The following FHIP1A variants were observed in gnomAD, a reference collection of about 807,000 sequenced individuals.
FHIP1A encodes FHF complex subunit HOOK-interacting protein 1A.
FHIP1A carries 61 observed loss-of-function variants against 88.6 expected under a neutral mutation model. That is an observed-to-expected ratio of 0.69 (90% CI 0.56 to 0.85). The LOEUF is 0.85. Ranked by LOEUF, FHIP1A falls within the 40% of genes least tolerant of loss-of-function variation. The probability of loss-of-function intolerance (pLI) is 0.00; values close to 1 mark genes in which losing one functional copy is unlikely to be tolerated. For missense variants in FHIP1A, 1,154 were observed against 1,273.5 expected (o/e 0.91, Z 1.43); for synonymous variants, 478 against 496.0 (o/e 0.96, Z 0.48).
chr4:151,460,465 T>A (rs1729110094), intron 2 of FHIP1A, among the ~76,000 whole-genome samples: 1 of 152,190 alleles, frequency 6.6e-6, no homozygotes, highest in Non-Finnish European at 1.5e-5. Context: ...GAGTCTTAAT[T>A]TGATGGTCTC....
rs939318529 is a variant in FHIP1A, at chr4:151,527,554, A to C, written c.-122-38584A>C. Among the ~76,000 whole-genome samples, 9 of 151,854 alleles carry C rather than the reference A, an allele frequency of 5.9e-5. No homozygotes were observed. In the East Asian group the frequency reaches 1.7e-3, roughly 29 times the overall value. On this transcript the variant is annotated intron_variant, in intron 3 of 13. Transcript: ENST00000435205. ...GGAGACCGTGGGGAGAGCGAGAGCG[A>C]GAGAGAGAGGGAGAGGGAGAGGGAG...
intron 13 of FHIP1A, among the ~76,000 whole-genome samples, chr4:151,657,908 A>C (rs1386848189): frequency 3.9e-5 from 6 of 152,194 alleles, no homozygotes; most frequent in Non-Finnish European, 7.4e-5. Context: ...TCACAGGCCC[A>C]ATGTCCCTTG....
At chr4:151,639,963 G>C (rs904528260) in intron 9 of FHIP1A, among the ~76,000 whole-genome samples, 1 of 152,210 alleles carries the variant, frequency 6.6e-6, no homozygotes, top group Non-Finnish European at 1.5e-5. Flanking sequence ...GACATGATTT[G>C]AGTAGAGGTT....
chr4:151,595,914 A>G (rs983833517), intron 7 of FHIP1A, among the ~76,000 whole-genome samples: 2 of 151,998 alleles, frequency 1.3e-5, no homozygotes, highest in African/African-American at 4.8e-5. Context: ...GAGCCTATGT[A>G]TGTCTTTGCA....
At chr4:151,497,319 G>C (rs1351697371) in intron 3 of FHIP1A, among the ~76,000 whole-genome samples, 1 of 152,154 alleles carries the variant, frequency 6.6e-6, no homozygotes, top group Admixed American at 6.5e-5. Flanking sequence ...TATTCGAAGA[G>C]TGGGAATTAG....
intron 7 of FHIP1A, among the ~76,000 whole-genome samples, chr4:151,616,895 G>A (rs1210480100): frequency 6.6e-6 from 1 of 151,746 alleles, no homozygotes; most frequent in Admixed American, 6.6e-5. Context: ...CTATAGACAC[G>A]GGCCACCACA....
rs1736968072 is a variant in FHIP1A, at chr4:151,650,160, A to G, written c.2119A>G (p.Ser707Gly). 6.4e-7 allele frequency: 1 copy of G among 1,551,604 alleles called. No homozygotes were observed. Among genetic ancestry groups the G allele is most frequent in the Non-Finnish European group, 8.7e-7 (1 of 1,147,000 alleles). The stretch of plus-strand genomic sequence containing the variant: ...TAGGGACAATTCAGACCCGTTTCAC[A>G]GTGAGCCCAAGGAGCCAAAGCAAGA... ...WNRDNSDPFH[S>G]EPKEPKQERE... The change falls in exon 11 of 14, where the codon AGT (serine) becomes GGT (glycine). Residue 707 changes from serine (S) to glycine (G), a missense_variant. Physicochemically the swap from Ser to Gly is moderately conservative, Grantham distance 56. Transcript: ENST00000435205.
At chr4:151,533,214 G>A (rs887476626) in intron 3 of FHIP1A, among the ~76,000 whole-genome samples, 8 of 152,220 alleles carry the variant, frequency 5.3e-5, no homozygotes, top group Non-Finnish European at 1.5e-5. Flanking sequence ...GGTTGACGTG[G>A]CAAGACCCTG....
Position 151,433,929 on chromosome 4 carries a change from G to A in FHIP1A, c.-355-20772G>A, listed in dbSNP as rs531676693. Among the ~76,000 whole-genome samples, 4 of 152,190 alleles carry A rather than the reference G, an allele frequency of 2.6e-5. No individual in the cohort carries two copies. The South Asian group carries it at 8.3e-4, about 32-fold the overall frequency. Reference sequence around the variant, plus strand: ...CAGCTCTATGCCCTTTTTTGCTATAGGGATGCTGTTGGGAGATTTTTCCGT... The same window carrying A: ...CAGCTCTATGCCCTTTTTTGCTATAAGGATGCTGTTGGGAGATTTTTCCGT... On this transcript the variant is annotated intron_variant, in intron 1 of 13. Coordinates refer to ENST00000435205, the MANE Select transcript of FHIP1A (RefSeq NM_001109977.3).
intron 1 of FHIP1A, among the ~76,000 whole-genome samples, chr4:151,436,047 G>C (rs1317823738): frequency 1.3e-5 from 2 of 152,028 alleles, no homozygotes; most frequent in Admixed American, 1.3e-4. Flanking sequence ...TACTTATTTA[G>C]ATCCTATCTG....
intron 8 of FHIP1A, among the ~76,000 whole-genome samples, chr4:151,632,108 T>C (rs925750200): frequency 6.6e-6 from 1 of 151,900 alleles, no homozygotes; most frequent in Non-Finnish European, 1.5e-5. Context: ...GAAAAATATA[T>C]CCTATGCAAA....
At chr4:151,630,454 T>C (rs2126878607) in intron 8 of FHIP1A, among the ~76,000 whole-genome samples, 1 of 152,304 alleles carries the variant, frequency 6.6e-6, no homozygotes, top group South Asian at 2.1e-4. Context: ...TATATAGAGA[T>C]AATATATAAC....
At chr4:151,580,189 C>T (rs1733968078) in intron 5 of FHIP1A, among the ~76,000 whole-genome samples, 1 of 152,170 alleles carries the variant, frequency 6.6e-6, no homozygotes, top group Admixed American at 6.5e-5. Context: ...CACTTTTCTT[C>T]CCCATGACAT....
intron 7 of FHIP1A, among the ~76,000 whole-genome samples, chr4:151,625,298 G>A (rs1002890070): frequency 6.6e-6 from 1 of 152,170 alleles, no homozygotes; most frequent in Non-Finnish European, 1.5e-5. Flanking sequence ...GAAAAGCCAA[G>A]GAAGGGTGGC....
At chr4:151,579,987 C>T (rs1733959057) in intron 5 of FHIP1A, among the ~76,000 whole-genome samples, 1 of 152,064 alleles carries the variant, frequency 6.6e-6, no homozygotes. Flanking sequence ...GATATTCTCC[C>T]ACATAACCAC....
intron 3 of FHIP1A, among the ~76,000 whole-genome samples, chr4:151,537,261 G>C (rs568401768): frequency 6.6e-6 from 1 of 151,914 alleles, no homozygotes; most frequent in Admixed American, 6.6e-5. Context: ...TAGTATCTCT[G>C]CATCTTTTCT....
chr4:151,615,096 G>A (rs551943255), intron 7 of FHIP1A, among the ~76,000 whole-genome samples: 46 of 152,314 alleles, frequency 3.0e-4, no homozygotes, highest in African/African-American at 1.1e-3. Flanking sequence ...AGGGCAGGGA[G>A]TGGTTATAAA....
At chr4:151,594,582 CTT>C (rs199696936) in intron 7 of FHIP1A, among the ~76,000 whole-genome samples, 5 of 145,388 alleles carry the variant, frequency 3.4e-5, no homozygotes, top group African/African-American at 5.0e-5. Flanking sequence ...TCCCCTTTGT[CTT>C]TTTTTTTTTT....
At chr4:151,486,210 C>T (rs1730076517) in intron 3 of FHIP1A, among the ~76,000 whole-genome samples, 1 of 152,120 alleles carries the variant, frequency 6.6e-6, no homozygotes. Context: ...CCTAACAGGC[C>T]AGAGACTGGT....
Sources: gnomAD v4.1 joint callset for allele counts (sites outside exome capture counted in the v4.1 genomes callset) on GRCh38, gnomAD v4.1.1 for gene constraint, MANE v1.5 for transcripts, NCBI Gene and HGNC (gene_info 2026-07-23, HGNC 2026-07-21) for gene names.